The following MAP3K9 variants were observed in gnomAD, a reference collection of about 807,000 sequenced individuals.
MAP3K9 encodes the protein mixed lineage kinase 1 (tyr and ser/thr specificity).
MAP3K9 carries 46 observed loss-of-function variants against 95.8 expected under a neutral mutation model. That is an observed-to-expected ratio of 0.48 (90% CI 0.38 to 0.61). The LOEUF is 0.61. Among genes scored for constraint, MAP3K9 ranks in the 20% least tolerant of loss-of-function variants. MAP3K9 has a pLI of 0.00. For synonymous variants in MAP3K9, 533 were observed against 593.8 expected (o/e 0.90, Z 1.49); for missense variants, 1,296 against 1,474.3 (o/e 0.88, Z 1.98).
At chr14:70,765,852 A>G (rs1244282266) in intron 2 of MAP3K9, among the ~76,000 whole-genome samples, 1 of 151,684 alleles carries the variant, frequency 6.6e-6, no homozygotes, top group African/African-American at 2.4e-5. Flanking sequence ...GTATAAGTAC[A>G]CTCTGATGTT....
chr14:70,755,508 T>C (rs2054287430), intron 3 of MAP3K9, among the ~76,000 whole-genome samples: 1 of 152,256 alleles, frequency 6.6e-6, no homozygotes, highest in African/African-American at 2.4e-5. Context: ...TGATGATCCC[T>C]ACTTTGGGGA....
intron 2 of MAP3K9, among the ~76,000 whole-genome samples, chr14:70,797,511 G>T (rs2054877599): frequency 6.6e-6 from 1 of 152,114 alleles, no homozygotes; most frequent in Admixed American, 6.5e-5. Flanking sequence ...ACTGAGGCAG[G>T]TGGATCACCT....
chr14:70,745,051 A>C (rs1356326247), intron 5 of MAP3K9, among the ~76,000 whole-genome samples: 1 of 152,168 alleles, frequency 6.6e-6, no homozygotes, highest in Non-Finnish European at 1.5e-5. Flanking sequence ...AAGCATGCCT[A>C]CAAAATTTTT....
At chr14:70,789,865 G>A (rs190951498) in intron 2 of MAP3K9, among the ~76,000 whole-genome samples, 17 of 152,286 alleles carry the variant, frequency 1.1e-4, no homozygotes, top group African/African-American at 3.8e-4. Context: ...TGTTCTTCCT[G>A]TTATTCTGCA....
intron 2 of MAP3K9, among the ~76,000 whole-genome samples, chr14:70,767,388 A>G (rs1294023238): frequency 2.7e-5 from 4 of 147,052 alleles, no homozygotes; most frequent in African/African-American, 9.9e-5. Context: ...AGTCTCAAAA[A>G]AAAAAAAAAA....
chr14:70,757,437 A>AG (rs1006735990), intron 3 of MAP3K9, among the ~76,000 whole-genome samples: 1 of 149,490 alleles, frequency 6.7e-6, no homozygotes, highest in Admixed American at 6.7e-5. Context: ...CTCCAGCTCA[A>AG]GCAATTGAGA....
intron 5 of MAP3K9, among the ~76,000 whole-genome samples, chr14:70,746,343 G>A (rs2054146578): frequency 6.6e-6 from 1 of 152,226 alleles, no homozygotes; most frequent in Non-Finnish European, 1.5e-5. Flanking sequence ...ATATGCCTAT[G>A]ACACCATTCA....
rs1297865940 is a variant in MAP3K9, at chr14:70,728,472, A to T, written c.*1908T>A. 1 of 152,166 alleles carries T rather than the reference A, an allele frequency of 6.6e-6. No individual in the cohort carries two copies. The highest frequency in any genetic ancestry group is 1.5e-5 in the Non-Finnish European group (1 of 68,048). 9.4% of individuals were successfully genotyped at this position (152,166 alleles called of 1,614,324 possible). Reference sequence around the variant, plus strand: ...TCCCCATCAAGAATGAAGAAGAATCACTTGGTTGGCTGGAACTGCTGGTAA... The same window carrying T: ...TCCCCATCAAGAATGAAGAAGAATCTCTTGGTTGGCTGGAACTGCTGGTAA... On this transcript the variant is annotated 3_prime_UTR_variant, in exon 12 of 12. Transcript: ENST00000554752.
chr14:70,770,905 C>T (rs1008322716), intron 2 of MAP3K9, among the ~76,000 whole-genome samples: 3 of 152,058 alleles, frequency 2.0e-5, no homozygotes, highest in Non-Finnish European at 4.4e-5. Flanking sequence ...TTAGAAAGGA[C>T]GCGTAGGAGG....
At chr14:70,760,086 T>C (rs1159582604) in intron 3 of MAP3K9, among the ~76,000 whole-genome samples, 1 of 151,930 alleles carries the variant, frequency 6.6e-6, no homozygotes, top group African/African-American at 2.4e-5. Context: ...TACAAAGGAT[T>C]AGCTTTACGG....
chr14:70,742,320 C>A, intron 6 of MAP3K9, 31 bp downstream of exon 6: 1 of 1,605,778 alleles, frequency 6.2e-7, no homozygotes, highest in South Asian at 1.1e-5. Flanking sequence ...TTGCCCTGCT[C>A]CCACTTCCCA....
At chr14:70,790,002 G>A (rs1319409401) in intron 2 of MAP3K9, among the ~76,000 whole-genome samples, 1 of 152,194 alleles carries the variant, frequency 6.6e-6, no homozygotes, top group Non-Finnish European at 1.5e-5. Flanking sequence ...CAGCAGCAAA[G>A]CTCCGAGACA....
At chr14:70,758,117 G>A (rs2054321266) in intron 3 of MAP3K9, among the ~76,000 whole-genome samples, 1 of 151,806 alleles carries the variant, frequency 6.6e-6, no homozygotes, top group Non-Finnish European at 1.5e-5. Context: ...ACAATCTACA[G>A]AATGGAAAAA....
intron 3 of MAP3K9, among the ~76,000 whole-genome samples, chr14:70,751,314 T>C (rs1161541458): frequency 6.6e-6 from 1 of 152,170 alleles, no homozygotes; most frequent in Non-Finnish European, 1.5e-5. Flanking sequence ...CAAGAAACCA[T>C]AAGGCTATGA....
At position 70,730,368 on chromosome 14, in the gene MAP3K9, A is replaced by G. The variant is rs185499433; in HGVS notation, c.*12T>C. On this transcript the variant is annotated 3_prime_UTR_variant, in exon 12 of 12. Transcript: ENST00000554752. ...CTGGCTGTCCCCCTTGCCCGCCCCA[A>G]TCCTTTTCGTGCTAAGACCAGAACT... 1,396 of 1,595,160 alleles carry G rather than the reference A, an allele frequency of 8.8e-4. 14 individuals are homozygous for G. In the African/African-American group the frequency reaches 0.016, roughly 19 times the overall value.
chr14:70,740,021 T>A, intron 7 of MAP3K9, 21 bp downstream of exon 7: 1 of 1,614,174 alleles, frequency 6.2e-7, no homozygotes. Context: ...TGGCCCCAGC[T>A]AATTTGGGAA....
chr14:70,807,359 G>A (rs905584419), intron 1 of MAP3K9, among the ~76,000 whole-genome samples: 2 of 152,070 alleles, frequency 1.3e-5, no homozygotes, highest in South Asian at 2.1e-4. Context: ...GCATGGTGGC[G>A]GGCGCCTGTA....
chr14:70,742,206 T>C, intron 6 of MAP3K9, 145 bp downstream of exon 6: 1 of 1,108,430 alleles, frequency 9.0e-7, no homozygotes, highest in Admixed American at 2.3e-5. Flanking sequence ...GTCTTTCCAG[T>C]GAACAGAATG....
At position 70,726,732 on chromosome 14, in the gene MAP3K9, G is replaced by C. The variant is rs1219074769; in HGVS notation, c.*3648C>G. ...CCAGAAGCCAAAGGACGAAAGAAAAGGCAAGTTCCCTCAAGGCAAAGGTGA... is the reference window on the plus strand; with the variant it reads ...CCAGAAGCCAAAGGACGAAAGAAAACGCAAGTTCCCTCAAGGCAAAGGTGA... On this transcript the variant is annotated 3_prime_UTR_variant, in exon 12 of 12. Transcript: ENST00000554752. 2 of 152,320 alleles carry C rather than the reference G, an allele frequency of 1.3e-5. No homozygotes were observed. Among genetic ancestry groups the C allele is most frequent in the Non-Finnish European group, 2.9e-5 (2 of 68,118 alleles). 9.4% of individuals were successfully genotyped at this position (152,320 alleles called of 1,614,324 possible).
Sources: gnomAD v4.1 joint callset for allele counts (sites outside exome capture counted in the v4.1 genomes callset) on GRCh38, gnomAD v4.1.1 for gene constraint, MANE v1.5 for transcripts, NCBI Gene and HGNC (gene_info 2026-07-23, HGNC 2026-07-21) for gene names.